Variants in ADAMTS17 observed in about 807,000 individuals in gnomAD.
ADAMTS17 encodes the protein A disintegrin and metalloproteinase with thrombospondin motifs 17.
A neutral mutation model predicts 141.5 loss-of-function variants in ADAMTS17; 113 were observed. The observed-to-expected ratio is 0.80, with a 90% CI of 0.69 to 0.93. The LOEUF is 0.93. Ranked by LOEUF, ADAMTS17 falls within the 40% of genes least tolerant of loss-of-function variation. The pLI is 0.00. For synonymous variants in ADAMTS17, 768 were observed against 630.6 expected (o/e 1.22, Z -3.27); for missense variants, 1,659 against 1,517.9 (o/e 1.09, Z -1.54).
At position 100,132,099 on chromosome 15, in the gene ADAMTS17, G is replaced by A. The variant is rs369683692; in HGVS notation, c.1629C>T (p.Asp543=). The A allele has an allele frequency of 3.8e-5, 62 of 1,614,124 alleles. 2 individuals carry two copies. Among genetic ancestry groups the A allele is most frequent in the Middle Eastern group, 1.6e-4 (1 of 6,062 alleles). Residue 543 remains aspartate (D), a synonymous_variant, in exon 12 of 22, where the codon GAC becomes GAT. Transcript: ENST00000268070. Reference sequence around the variant, plus strand: ...AGGCGCCCCACGGGCTCCAGTCTCCGTCCACATGCTCCGGGATGGGCGTCT... The same window carrying A: ...AGGCGCCCCACGGGCTCCAGTCTCCATCCACATGCTCCGGGATGGGCGTCT... The part of the protein sequence containing the change: ...VSKTPIPEHV[D]GDWSPWGAWS...
chr15:100,188,963 C>T (rs1164994363), intron 8 of ADAMTS17, among the ~76,000 whole-genome samples: 2 of 152,258 alleles, frequency 1.3e-5, no homozygotes, highest in African/African-American at 4.8e-5. Flanking sequence ...ATACCTGCAG[C>T]TGCAACACTG....
chr15:100,114,574 C>T (rs193138617), intron 13 of ADAMTS17, among the ~76,000 whole-genome samples: 1 of 152,296 alleles, frequency 6.6e-6, no homozygotes, highest in Non-Finnish European at 1.5e-5. Flanking sequence ...TGTGCAAAGC[C>T]CCGAGCGTGG....
At chr15:100,176,398 C>T (rs1322268022) in intron 8 of ADAMTS17, among the ~76,000 whole-genome samples, 1 of 152,124 alleles carries the variant, frequency 6.6e-6, no homozygotes, top group Non-Finnish European at 1.5e-5. Context: ...TGCCTAAATC[C>T]CACCTGCAGA....
chr15:100,227,569 A>T (rs2042349380), intron 7 of ADAMTS17, among the ~76,000 whole-genome samples: 1 of 152,234 alleles, frequency 6.6e-6, no homozygotes, highest in Non-Finnish European at 1.5e-5. Flanking sequence ...CAGCCCAGTG[A>T]TGGCACATCG....
chr15:100,220,519 T>A (rs2042101643), intron 7 of ADAMTS17, among the ~76,000 whole-genome samples: 1 of 152,226 alleles, frequency 6.6e-6, no homozygotes, highest in Non-Finnish European at 1.5e-5. Flanking sequence ...TGTATTAGGA[T>A]ATAATTCACA....
rs2060368999 is a variant in ADAMTS17, at chr15:99,977,375, TATATATATATATATATATATATATA to T, written c.2950-1178_2950-1154del. ...ATATATATATATATATATATATATATATATATATATATATATATATATATAATTTTTTTTTTTTTTTTTTTTTTTT... is the reference window on the plus strand; with the variant it reads ...ATATATATATATATATATATATATATATTTTTTTTTTTTTTTTTTTTTTTT... On this transcript the variant is annotated intron_variant, in intron 20 of 21. Transcript: ENST00000268070. Among the ~76,000 whole-genome samples, 14 of 19,756 alleles carry T rather than the reference TATATATATATATATATATATATATA, an allele frequency of 7.1e-4. 1 individual carries two copies. Among genetic ancestry groups the T allele is most frequent in the Non-Finnish European group, 9.1e-4 (9 of 9,860 alleles). The allele number at this position is 19,756 out of a possible 152,430, so 13.0% of individuals were successfully genotyped here.
chr15:100,086,208 T>C (rs533454099), intron 15 of ADAMTS17, among the ~76,000 whole-genome samples: 40 of 152,144 alleles, frequency 2.6e-4, no homozygotes, highest in Middle Eastern at 3.4e-3. Flanking sequence ...TAGTCTCTGA[T>C]AAAACAGACT....
intron 15 of ADAMTS17, among the ~76,000 whole-genome samples, chr15:100,058,015 T>C (rs1418866603): frequency 6.6e-6 from 1 of 151,924 alleles, no homozygotes; most frequent in Non-Finnish European, 1.5e-5. Context: ...AAAATTACTA[T>C]TACAGCTTCC....
chr15:100,254,156 T>C lies in ADAMTS17; in HGVS notation c.1055A>G (p.Asp352Gly), dbSNP rs1043689482. The part of the protein sequence containing the change: ...VTRTDFCVHK[D>G]EPCDTVGIAY... Reference sequence around the variant, plus strand: ...CTTACCAACAGTGTCACACGGTTCATCCTTGTGTACACAGAAATCTGTCCT... The same window carrying C: ...CTTACCAACAGTGTCACACGGTTCACCCTTGTGTACACAGAAATCTGTCCT... The change falls in exon 7 of 22, where the codon GAT becomes GGT. Residue 352 changes from aspartate (D) to glycine (G), a missense_variant. By Grantham distance (94) the Asp-to-Gly change is moderately conservative. Coordinates refer to ENST00000268070, the MANE Select transcript of ADAMTS17 (RefSeq NM_139057.4). The C allele has an allele frequency of 4.3e-6, 7 of 1,613,544 alleles. No individual in the cohort carries two copies. The highest frequency in any genetic ancestry group is 5.1e-6 in the Non-Finnish European group (6 of 1,179,492).
chr15:100,067,242 G>C (rs534794288), intron 15 of ADAMTS17, among the ~76,000 whole-genome samples: 69 of 151,172 alleles, frequency 4.6e-4, no homozygotes, highest in African/African-American at 1.6e-3. Context: ...CATTCTAAGT[G>C]TCGTTCCTTT....
intron 14 of ADAMTS17, among the ~76,000 whole-genome samples, chr15:100,102,865 T>C (rs565197374): frequency 2.0e-5 from 3 of 152,266 alleles, no homozygotes; most frequent in East Asian, 1.9e-4. Context: ...AGCATGCCGA[T>C]GCACCCTCGG....
At chr15:100,058,675 G>GCAGCAA (rs1194142589) in intron 15 of ADAMTS17, among the ~76,000 whole-genome samples, 3 of 152,232 alleles carry the variant, frequency 2.0e-5, no homozygotes, top group Non-Finnish European at 2.9e-5. Flanking sequence ...GGCAGCAGCA[G>GCAGCAA]CAGCAACTAC....
In ADAMTS17 at chr15:100,265,310, T is replaced by TC. The variant is rs2043671933; in HGVS notation, c.790-2876dup. On this transcript the variant is annotated intron_variant, in intron 4 of 21. Transcript: ENST00000268070. ...AAAGACATGTAACAAAGTCTCGTCT[T>TC]CTTTTTTTTCCCATGGAAACTCATG... Among the ~76,000 whole-genome samples the TC allele has an allele frequency of 2.6e-5, 4 of 152,190 alleles. 1 individual carries two copies. The South Asian group carries it at 8.3e-4, about 32-fold the overall frequency.
At chr15:100,331,508 T>G (rs2046053271) in intron 2 of ADAMTS17, among the ~76,000 whole-genome samples, 2 of 152,138 alleles carry the variant, frequency 1.3e-5, no homozygotes, top group Non-Finnish European at 1.5e-5. Context: ...TTTGACAGCA[T>G]CAAAACAATT....
intron 18 of ADAMTS17, among the ~76,000 whole-genome samples, chr15:100,036,949 T>A (rs1321890924): frequency 6.6e-6 from 1 of 152,244 alleles, no homozygotes; most frequent in African/African-American, 2.4e-5. Flanking sequence ...ATCTACTGCA[T>A]TTTGTCTATT....
chr15:100,069,819 G>C (rs1405293680), intron 15 of ADAMTS17, among the ~76,000 whole-genome samples: 1 of 150,320 alleles, frequency 6.7e-6, no homozygotes, highest in Admixed American at 6.7e-5. Context: ...TCAAGGCTAG[G>C]AAGAAACTGC....
At chr15:99,992,788 T>C (rs2060716787) in intron 20 of ADAMTS17, among the ~76,000 whole-genome samples, 1 of 152,250 alleles carries the variant, frequency 6.6e-6, no homozygotes, top group Non-Finnish European at 1.5e-5. Context: ...GGGCTGCGTT[T>C]CGGGTTCCTT....
At chr15:100,240,015 C>G (rs1263445072) in intron 7 of ADAMTS17, among the ~76,000 whole-genome samples, 1 of 152,192 alleles carries the variant, frequency 6.6e-6, no homozygotes, top group Non-Finnish European at 1.5e-5. Flanking sequence ...AGAATGTGCC[C>G]AACCCCAACA....
At chr15:100,199,179 T>C (rs1005273107) in intron 8 of ADAMTS17, 139 bp downstream of exon 8, 1 of 785,684 alleles carries the variant, frequency 1.3e-6, no homozygotes, top group Non-Finnish European at 2.2e-6. Context: ...TGGACCCTAG[T>C]GTACTGACCT....
Sources: gnomAD v4.1 joint callset for allele counts (sites outside exome capture counted in the v4.1 genomes callset) on GRCh38, gnomAD v4.1.1 for gene constraint, MANE v1.5 for transcripts, NCBI Gene and HGNC (gene_info 2026-07-23, HGNC 2026-07-21) for gene names.